XKR6: variants seen among roughly 807,000 people sequenced by gnomAD.
XKR6 encodes XK-related protein 6.
Under a neutral mutation model 56.7 loss-of-function variants are expected in XKR6, and 22 were observed. The ratio of observed to expected loss-of-function variants is 0.39; its 90% CI spans 0.28 to 0.55. XKR6 has a LOEUF of 0.55. Among genes scored for constraint, XKR6 ranks in the 20% least tolerant of loss-of-function variants. The pLI is 0.66. For missense variants in XKR6, 852 were observed against 889.0 expected (o/e 0.96, Z 0.53); for synonymous variants, 524 against 387.8 (o/e 1.35, Z -4.13).
intron 1 of XKR6, among the ~76,000 whole-genome samples, chr8:11,093,918 G>A (rs1470991366): frequency 6.6e-6 from 1 of 151,460 alleles, no homozygotes; most frequent in African/African-American, 2.4e-5. Context: ...CAAGTAGCTG[G>A]GACTACAGGT....
At chr8:11,184,865 C>T (rs1803185603) in intron 1 of XKR6, among the ~76,000 whole-genome samples, 3 of 152,114 alleles carry the variant, frequency 2.0e-5, no homozygotes, top group Admixed American at 2.0e-4. Flanking sequence ...CTGAATCCAT[C>T]CCCAGGGGTT....
rs1194944091 is a variant in XKR6, at chr8:10,991,974, A to G, written c.765-67144T>C. Among the ~76,000 whole-genome samples the G allele has an allele frequency of 2.6e-5, 4 of 152,304 alleles. No homozygotes were observed. The East Asian group carries it at 7.7e-4, about 29-fold the overall frequency. ...ACTTAGATTCTGTATCCACATTCTA[A>G]CTTCCTGTCTATATACAGGTGGCCA... On this transcript the variant is annotated intron_variant, in intron 1 of 2. Coordinates refer to ENST00000416569, the MANE Select transcript of XKR6 (RefSeq NM_173683.4).
chr8:11,033,140 T>C (rs989091810), intron 1 of XKR6, among the ~76,000 whole-genome samples: 22 of 151,876 alleles, frequency 1.4e-4, no homozygotes, highest in African/African-American at 5.3e-4. Context: ...ATGATGATGA[T>C]GGTAATGGTG....
intron 1 of XKR6, among the ~76,000 whole-genome samples, chr8:11,078,213 AAAG>A (rs975119651): frequency 2.6e-5 from 4 of 152,198 alleles, no homozygotes; most frequent in Admixed American, 6.5e-5. Flanking sequence ...CTCCAGAGGG[AAAG>A]AAGAACTGAC....
chr8:11,107,121 T>C (rs1242337272), intron 1 of XKR6, among the ~76,000 whole-genome samples: 1 of 151,816 alleles, frequency 6.6e-6, no homozygotes, highest in Non-Finnish European at 1.5e-5. Flanking sequence ...ATGAGCAACA[T>C]TTCAAAGGGC....
intron 1 of XKR6, among the ~76,000 whole-genome samples, chr8:11,167,406 C>G (rs1563189053): frequency 1.3e-5 from 2 of 152,190 alleles, no homozygotes; most frequent in Non-Finnish European, 2.9e-5. Flanking sequence ...TGACTCCATT[C>G]CAACCTGTCA....
In XKR6 at chr8:11,200,643, G is replaced by T. The variant is rs781647549; in HGVS notation, c.697C>A (p.Leu233Met). 1.9e-6 allele frequency: 3 copies of T among 1,552,722 alleles called. No homozygotes were observed. Among genetic ancestry groups the T allele is most frequent in the Non-Finnish European group, 2.6e-6 (3 of 1,160,182 alleles). Residue 233 changes from leucine to methionine, a missense_variant, in exon 1 of 3, where the codon CTG becomes ATG. Coordinates refer to ENST00000416569, the MANE Select transcript of XKR6 (RefSeq NM_173683.4). The surrounding 1 kb of genome is among the most constrained non-coding windows in gnomAD (Gnocchi z 6.4). ...RVSPTPGAQRLCRLSVWIWQS... is the reference protein window; with the variant it reads ...RVSPTPGAQRMCRLSVWIWQS... ...CAGATCCACACGGAGAGGCGACACA[G>T]GCGCTGCGCCCCCGGCGTGGGGGAG...
intron 1 of XKR6, among the ~76,000 whole-genome samples, chr8:10,984,075 C>T (rs185247424): frequency 6.6e-6 from 1 of 152,152 alleles, no homozygotes; most frequent in Admixed American, 6.5e-5. Flanking sequence ...AAAACATTAG[C>T]AAACAAAATC....
intron 2 of XKR6, among the ~76,000 whole-genome samples, chr8:10,915,003 G>A (rs911037024): frequency 6.6e-6 from 1 of 152,344 alleles, no homozygotes; most frequent in Admixed American, 6.5e-5. Flanking sequence ...CCTCACCTCA[G>A]TGGCGCCTTC....
At chr8:11,058,129 C>A (rs1799732338) in intron 1 of XKR6, among the ~76,000 whole-genome samples, 1 of 152,200 alleles carries the variant, frequency 6.6e-6, no homozygotes, top group Non-Finnish European at 1.5e-5. Context: ...TCTGCCAGCA[C>A]CCAGCGTGAC....
At chr8:10,910,296 G>A (rs920194217) in intron 2 of XKR6, among the ~76,000 whole-genome samples, 8 of 188 alleles carry the variant, frequency 0.043, no homozygotes, top group African/African-American at 0.13. Flanking sequence ...TTAAAAAATA[G>A]ACAGGAACTT....
At chr8:11,158,971 G>A (rs537644746) in intron 1 of XKR6, among the ~76,000 whole-genome samples, 2 of 152,300 alleles carry the variant, frequency 1.3e-5, no homozygotes, top group South Asian at 2.1e-4. Context: ...AGTAGGACAC[G>A]TGATTAAAAG....
At chr8:11,004,488 T>C (rs764624193) in intron 1 of XKR6, among the ~76,000 whole-genome samples, 33 of 151,590 alleles carry the variant, frequency 2.2e-4, no homozygotes, top group Non-Finnish European at 4.4e-4. Context: ...AATAAATAAA[T>C]AAATAAATAA....
At chr8:11,102,181 CT>C (rs916360120) in intron 1 of XKR6, among the ~76,000 whole-genome samples, 1 of 152,192 alleles carries the variant, frequency 6.6e-6, no homozygotes, top group African/African-American at 2.4e-5. Context: ...ATCTTTTCCC[CT>C]GCAAGTTCGT....
intron 1 of XKR6, among the ~76,000 whole-genome samples, chr8:11,112,805 A>G (rs1333065990): frequency 6.6e-6 from 1 of 152,194 alleles, no homozygotes; most frequent in Non-Finnish European, 1.5e-5. Context: ...CTTGTGAGTA[A>G]TTTTTTCTTA....
intron 1 of XKR6, among the ~76,000 whole-genome samples, chr8:11,046,010 C>T (rs929975776): frequency 2.6e-5 from 4 of 152,186 alleles, no homozygotes; most frequent in African/African-American, 9.7e-5. Context: ...GGTGCAGCTG[C>T]TGTAGAAAAC....
intron 1 of XKR6, among the ~76,000 whole-genome samples, chr8:11,025,929 A>G (rs77652704): frequency 6.6e-6 from 1 of 152,190 alleles, no homozygotes; most frequent in African/African-American, 2.4e-5. Context: ...TTAAATACAC[A>G]TGAGATATCA....
intron 1 of XKR6, among the ~76,000 whole-genome samples, chr8:11,128,254 T>C (rs545095565): frequency 6.6e-6 from 1 of 152,222 alleles, no homozygotes; most frequent in African/African-American, 2.4e-5. Context: ...GCTGGATTCT[T>C]CTCCTCTCCC....
intron 1 of XKR6, among the ~76,000 whole-genome samples, chr8:11,171,432 T>C (rs927937019): frequency 9.9e-5 from 15 of 152,214 alleles, no homozygotes; most frequent in Admixed American, 1.3e-4. Context: ...AAATCTCATG[T>C]TGAAATTTCA....
Sources: gnomAD v4.1 joint callset for allele counts (sites outside exome capture counted in the v4.1 genomes callset) on GRCh38, gnomAD v4.1.1 for gene constraint, Gnocchi (gnomAD v3.1) non-coding constraint, MANE v1.5 for transcripts, NCBI Gene and HGNC (gene_info 2026-07-23, HGNC 2026-07-21) for gene names.